The following DCLK1 variants were observed in gnomAD, a reference collection of about 807,000 sequenced individuals.
The protein encoded by DCLK1 is doublecortin like kinase 1.
In DCLK1, 16 loss-of-function variants were observed where a neutral mutation model predicts 86.2. The observed-to-expected ratio is 0.19, with a 90% CI of 0.13 to 0.28. DCLK1 has a LOEUF of 0.28. DCLK1 is among the 10% of genes least tolerant of loss of function. The probability of loss-of-function intolerance (pLI) is 1.00; values close to 1 mark genes in which losing one functional copy is unlikely to be tolerated. For missense variants in DCLK1, 590 were observed against 940.2 expected (o/e 0.63, Z 4.87); for synonymous variants, 369 against 370.5 (o/e 1.00, Z 0.05).
rs61490810 is a variant in DCLK1, at chr13:35,906,734, T to C, written c.824-35394A>G. 7.8e-3 allele frequency among the ~76,000 whole-genome samples: 1,184 copies of C among 152,260 alleles called. 16 individuals carry two copies. Among genetic ancestry groups the C allele is most frequent in the East Asian group, 0.033 (169 of 5,182 alleles). ...TCAGGGGAAATCACTGAAGAGTTATTAGCAATACAATGACATGGCCAGGGT... is the reference window on the plus strand; with the variant it reads ...TCAGGGGAAATCACTGAAGAGTTATCAGCAATACAATGACATGGCCAGGGT... On this transcript the variant is annotated intron_variant, in intron 4 of 16. Coordinates refer to ENST00000360631, the MANE Select transcript of DCLK1 (RefSeq NM_001330071.2).
At chr13:35,993,898 C>T (rs936573679) in intron 3 of DCLK1, among the ~76,000 whole-genome samples, 3 of 151,466 alleles carry the variant, frequency 2.0e-5, no homozygotes, top group African/African-American at 7.3e-5. Flanking sequence ...TTCATTTCCT[C>T]TCTTCAAAGC....
chr13:35,877,200 C>T (rs1872639471), intron 4 of DCLK1, among the ~76,000 whole-genome samples: 1 of 152,144 alleles, frequency 6.6e-6, no homozygotes, highest in African/African-American at 2.4e-5. Context: ...CTGAAATGGG[C>T]ATTCTTTGAT....
chr13:35,854,353 C>G, intron 6 of DCLK1, 146 bp downstream of exon 6: 1 of 498,364 alleles, frequency 2.0e-6, no homozygotes, highest in Non-Finnish European at 3.3e-6. Context: ...CTAGCTAAAC[C>G]AAAGCAATAA....
chr13:35,884,044 A>G (rs1873079745), intron 4 of DCLK1, among the ~76,000 whole-genome samples: 1 of 152,202 alleles, frequency 6.6e-6, no homozygotes, highest in South Asian at 2.1e-4. Context: ...TTGGAGGTAG[A>G]ACCTGGGGCA....
rs1399667687 is a variant in DCLK1, at chr13:35,772,931, TAA to T, written c.*1602_*1603del. The T allele has an allele frequency of 1.3e-5, 2 of 152,190 alleles. No individual in the cohort carries two copies. Among genetic ancestry groups the T allele is most frequent in the African/African-American group, 4.8e-5 (2 of 41,452 alleles). 9.4% of individuals were successfully genotyped at this position (152,190 alleles called of 1,614,324 possible). A position where few individuals can be genotyped will look rare whatever the true frequency, so the allele number is the denominator to read the frequency against. ...CACAAATTTTAAGACTCTCAGGTAT[TAA>T]AGTATATTCAAAACAGAGAACATAG... On this transcript the variant is annotated 3_prime_UTR_variant, in exon 17 of 17. Transcript: ENST00000360631.
intron 3 of DCLK1, among the ~76,000 whole-genome samples, chr13:36,053,798 AG>A (rs1883206053): frequency 6.6e-6 from 1 of 152,122 alleles, no homozygotes; most frequent in Admixed American, 6.6e-5. Flanking sequence ...TGAATAAGCA[AG>A]CTATGCAGAT....
intron 3 of DCLK1, among the ~76,000 whole-genome samples, chr13:36,062,902 C>T (rs1274877789): frequency 6.6e-6 from 1 of 152,190 alleles, no homozygotes; most frequent in Non-Finnish European, 1.5e-5. Flanking sequence ...GTCGATAATC[C>T]TGACCCAAGT....
chr13:35,854,044 G>T (rs1870862344), intron 6 of DCLK1, among the ~76,000 whole-genome samples: 1 of 152,136 alleles, frequency 6.6e-6, no homozygotes, highest in South Asian at 2.1e-4. Flanking sequence ...ATCCACAAAA[G>T]CACGTGTCAT....
chr13:35,852,110 A>G (rs762711056), intron 6 of DCLK1, among the ~76,000 whole-genome samples: 1 of 152,186 alleles, frequency 6.6e-6, no homozygotes, highest in Non-Finnish European at 1.5e-5. Context: ...ACTGTTTTCC[A>G]ATCTGCAGTA....
intron 3 of DCLK1, among the ~76,000 whole-genome samples, chr13:36,110,204 A>G (rs1463726314): frequency 6.6e-6 from 1 of 152,214 alleles, no homozygotes; most frequent in Non-Finnish European, 1.5e-5. Flanking sequence ...TTAGAAATGG[A>G]GCCAGTGAAG....
chr13:36,082,401 G>A lies in DCLK1; in HGVS notation c.723+29468C>T, dbSNP rs184049358. Among the ~76,000 whole-genome samples the A allele has an allele frequency of 1.9e-4, 29 of 152,234 alleles. 1 individual carries two copies. The highest frequency in any genetic ancestry group is 6.7e-4 in the African/African-American group (28 of 41,536). On this transcript the variant is annotated intron_variant, in intron 3 of 16. Coordinates refer to ENST00000360631, the MANE Select transcript of DCLK1 (RefSeq NM_001330071.2). The stretch of plus-strand genomic sequence containing the variant: ...ATGTTAATTGACTGCTTATGTTATC[G>A]GTAAGGCTTCTGGTCAACAGTAGGC...
At chr13:36,047,243 A>T (rs567748354) in intron 3 of DCLK1, among the ~76,000 whole-genome samples, 1 of 152,358 alleles carries the variant, frequency 6.6e-6, no homozygotes, top group South Asian at 2.1e-4. Flanking sequence ...AATGTAAATT[A>T]GTACAGCCAT....
chr13:35,983,925 G>A (rs1879781173), intron 3 of DCLK1, among the ~76,000 whole-genome samples: 1 of 151,986 alleles, frequency 6.6e-6, no homozygotes, highest in African/African-American at 2.4e-5. Context: ...ACAGGAGACT[G>A]CACTGAATTG....
intron 4 of DCLK1, among the ~76,000 whole-genome samples, chr13:35,878,993 C>A (rs1266740795): frequency 6.6e-6 from 1 of 152,052 alleles, no homozygotes; most frequent in Admixed American, 6.6e-5. Flanking sequence ...ACCATGTTGG[C>A]CAGGCTGGGC....
intron 3 of DCLK1, among the ~76,000 whole-genome samples, chr13:36,035,072 G>T (rs72621279): frequency 0.094 from 14,316 of 152,026 alleles, 1,289 homozygotes; most frequent in East Asian, 0.3. Flanking sequence ...GGTAGCACAA[G>T]ACCCTCCCAC....
chr13:35,787,102 CACACAT>C (rs2086637626), intron 16 of DCLK1, among the ~76,000 whole-genome samples: 1 of 150,622 alleles, frequency 6.6e-6, no homozygotes, highest in South Asian at 2.1e-4. Context: ...TATATATACA[CACACAT>C]ACACATTATG....
chr13:36,024,991 G>C (rs561125952), intron 3 of DCLK1, among the ~76,000 whole-genome samples: 39 of 147,094 alleles, frequency 2.7e-4, no homozygotes, highest in Non-Finnish European at 4.8e-4. Context: ...TTTTGAGGCA[G>C]AGTTTTGTTC....
intron 11 of DCLK1, among the ~76,000 whole-genome samples, chr13:35,811,406 G>T (rs1410319796): frequency 4.6e-5 from 7 of 151,776 alleles, no homozygotes; most frequent in Non-Finnish European, 7.4e-5. Context: ...AGGATTACAG[G>T]TTTTCTTAAT....
intron 3 of DCLK1, among the ~76,000 whole-genome samples, chr13:36,025,726 T>A (rs1414002900): frequency 6.6e-6 from 1 of 152,120 alleles, no homozygotes; most frequent in African/African-American, 2.4e-5. Context: ...ATGGTAAGAA[T>A]GGTAAAGGGA....
Sources: allele counts gnomAD v4.1 joint callset (sites outside exome capture counted in the v4.1 genomes callset), GRCh38; gene constraint gnomAD v4.1.1; transcripts MANE v1.5; gene names NCBI Gene and HGNC (gene_info 2026-07-23, HGNC 2026-07-21).